STXBP5: variants seen among roughly 807,000 people sequenced by gnomAD.
STXBP5 encodes the protein syntaxin-binding protein 5.
Under a neutral mutation model 152.4 loss-of-function variants are expected in STXBP5, and 50 were observed. The observed-to-expected ratio is 0.33, with a 90% CI of 0.26 to 0.42. STXBP5 has a LOEUF of 0.42. STXBP5 is among the 10% of genes least tolerant of loss of function. The pLI is 1.00. For synonymous variants in STXBP5, 492 were observed against 494.7 expected (o/e 0.99, Z 0.07); for missense variants, 1,167 against 1,388.6 (o/e 0.84, Z 2.54).
At chr6:147,206,530 A>G (rs1271771996) in intron 2 of STXBP5, among the ~76,000 whole-genome samples, 1 of 152,090 alleles carries the variant, frequency 6.6e-6, no homozygotes, top group Non-Finnish European at 1.5e-5. Context: ...GTCCGTGTAG[A>G]AAAACAATTA....
intron 2 of STXBP5, 47 bp downstream of exon 2, chr6:147,206,115 CA>C (rs1776542994): frequency 6.5e-7 from 1 of 1,533,892 alleles, no homozygotes; most frequent in African/African-American, 1.4e-5. Flanking sequence ...TTGTTCTCCC[CA>C]GTCCTTCTGT....
At chr6:147,284,001 A>C (rs558889706) in intron 8 of STXBP5, among the ~76,000 whole-genome samples, 1 of 152,364 alleles carries the variant, frequency 6.6e-6, no homozygotes, top group African/African-American at 2.4e-5. Context: ...TGTTAAAAAC[A>C]GTAAAAAGAA....
intron 6 of STXBP5, among the ~76,000 whole-genome samples, chr6:147,265,839 G>A (rs1324289264): frequency 3.3e-5 from 5 of 151,872 alleles, no homozygotes; most frequent in South Asian, 2.1e-4. Flanking sequence ...CCGATATCCC[G>A]GTTTTACAGA....
At chr6:147,218,720 A>ATT (rs1305315419) in intron 2 of STXBP5, among the ~76,000 whole-genome samples, 1 of 152,186 alleles carries the variant, frequency 6.6e-6, no homozygotes, top group Non-Finnish European at 1.5e-5. Flanking sequence ...GGCTGCAGTG[A>ATT]TCTCACATCC....
intron 3 of STXBP5, among the ~76,000 whole-genome samples, chr6:147,237,427 G>A (rs1184511989): frequency 6.6e-6 from 1 of 152,118 alleles, no homozygotes; most frequent in Non-Finnish European, 1.5e-5. Flanking sequence ...GAAGAAGACA[G>A]CTATTATTGC....
In STXBP5 at chr6:147,363,370, A is replaced by T. The variant is rs748589128; in HGVS notation, c.2581A>T (p.Met861Leu). 1.2e-6 allele frequency: 2 copies of T among 1,608,058 alleles called. No individual in the cohort carries two copies. The change falls in exon 24 of 28, where the codon ATG becomes TTG. Residue 861 changes from methionine (M) to leucine (L), a missense_variant. Transcript: ENST00000321680. ...GAGGTTAAAAGGTGCAATCTTGAGA[A>T]TGGCATTTCTGGATACCACAGGCTG... is the stretch of plus-strand genomic sequence containing the variant. The part of the protein sequence containing the change: ...ILRLKGAILR[M>L]AFLDTTGCLI...
chr6:147,269,539 A>C (rs1227806738), intron 7 of STXBP5, among the ~76,000 whole-genome samples: 1 of 152,206 alleles, frequency 6.6e-6, no homozygotes, highest in Non-Finnish European at 1.5e-5. Context: ...TGAAAATAGA[A>C]ACAGACTCAG....
rs1404535738 is a variant in STXBP5 at position 147,386,468 on chromosome 6, T to A, written c.*1713T>A. ...ACATGCACTACTAGATGCAAAAGTTTACATCAAAGTTTACTTTAAATATCA... is the reference window on the plus strand; with the variant it reads ...ACATGCACTACTAGATGCAAAAGTTAACATCAAAGTTTACTTTAAATATCA... On this transcript the variant is annotated 3_prime_UTR_variant, in exon 28 of 28. Coordinates refer to ENST00000321680, the MANE Select transcript of STXBP5 (RefSeq NM_001127715.4). The A allele has an allele frequency of 6.6e-6, 1 of 151,846 alleles. No homozygotes were observed. Among genetic ancestry groups the A allele is most frequent in the Non-Finnish European group, 1.5e-5 (1 of 67,828 alleles). The allele number at this position is 151,846 out of a possible 1,614,324, so 9.4% of individuals were successfully genotyped here.
chr6:147,239,035 C>A, intron 3 of STXBP5, 135 bp from the exon 4 acceptor site: 2 of 695,924 alleles, frequency 2.9e-6, no homozygotes, highest in Non-Finnish European at 2.3e-6. Flanking sequence ...TTGAATGAGG[C>A]AAATGTTTCT....
At chr6:147,215,213 T>C (rs1426212316) in intron 2 of STXBP5, among the ~76,000 whole-genome samples, 2 of 152,236 alleles carry the variant, frequency 1.3e-5, no homozygotes, top group Non-Finnish European at 2.9e-5. Flanking sequence ...AGTTTTCCAA[T>C]CTCTGCCTTA....
At chr6:147,265,134 AAG>A in intron 6 of STXBP5, among the ~76,000 whole-genome samples, 1 of 152,100 alleles carries the variant, frequency 6.6e-6, no homozygotes, top group Non-Finnish European at 1.5e-5. Context: ...AGACTGGGAA[AAG>A]AGAGAGGAAA....
Position 147,346,965 on chromosome 6 carries a change from C to T in STXBP5, c.2255-6358C>T, listed in dbSNP as rs534510713. ...CTGCTCAGCTTTCTGCGACAGAGCA[C>T]GTTCCCGTTGCAGCACAAGTGGAGC... On this transcript the variant is annotated intron_variant, in intron 21 of 27. Transcript: ENST00000321680. 1.4e-3 allele frequency among the ~76,000 whole-genome samples: 220 copies of T among 152,262 alleles called. 1 individual carries two copies. Among genetic ancestry groups the T allele is most frequent in the Non-Finnish European group, 2.8e-3 (192 of 68,018 alleles).
chr6:147,210,819 CATTATT>C (rs201266768), intron 2 of STXBP5, among the ~76,000 whole-genome samples: 1 of 152,178 alleles, frequency 6.6e-6, no homozygotes, highest in African/African-American at 2.4e-5. Flanking sequence ...ATGATTATTA[CATTATT>C]ATTATAATAC....
At chr6:147,373,656 T>G in intron 25 of STXBP5, 75 bp from the exon 26 acceptor site, 2 of 1,036,106 alleles carry the variant, frequency 1.9e-6, no homozygotes, top group Non-Finnish European at 3.0e-6. Flanking sequence ...TTAAGGAGTT[T>G]ACAGTGATAC....
intron 6 of STXBP5, among the ~76,000 whole-genome samples, chr6:147,263,202 A>G (rs1330705620): frequency 6.6e-6 from 1 of 152,048 alleles, no homozygotes; most frequent in Non-Finnish European, 1.5e-5. Context: ...GAGTTAGGTC[A>G]TAATTATAGC....
intron 2 of STXBP5, among the ~76,000 whole-genome samples, chr6:147,227,050 G>C (rs1777754324): frequency 6.6e-6 from 1 of 152,132 alleles, no homozygotes; most frequent in African/African-American, 2.4e-5. Flanking sequence ...AGTGGTTATG[G>C]GGAAGAGAGA....
intron 25 of STXBP5, among the ~76,000 whole-genome samples, chr6:147,371,319 G>A (rs1218123058): frequency 6.6e-6 from 1 of 152,024 alleles, no homozygotes; most frequent in Non-Finnish European, 1.5e-5. Context: ...TAAGACTGCA[G>A]ATAATCTAGA....
At position 147,325,028 on chromosome 6, in the gene STXBP5, G is replaced by C. The variant is rs781253416; in HGVS notation, c.1872G>C (p.Val624=). 4.4e-6 allele frequency: 7 copies of C among 1,596,126 alleles called. 1 individual carries two copies. In the South Asian group the frequency reaches 7.9e-5, roughly 18 times the overall value. The part of the protein sequence containing the change: ...QTELVIQLVW[V]GGEPPQQITS... The stretch of plus-strand genomic sequence containing the variant: ...AACTAGTTATTCAGTTGGTTTGGGT[G>C]GGTGGAGAACCACCACAACAAATAA... Residue 624 remains valine (V), a synonymous_variant, in exon 17 of 28, where the codon GTG becomes GTC. Transcript: ENST00000321680.
chr6:147,373,768 C>T lies in STXBP5; in HGVS notation c.3119C>T (p.Pro1040Leu), dbSNP rs527429174. 6.2e-7 allele frequency: 1 copy of T among 1,613,846 alleles called. No homozygotes were observed. The highest frequency in any genetic ancestry group is 1.1e-5 in the South Asian group (1 of 91,076). ...LGELFTPVET[P>L]EAPNRGFFKG... The stretch of plus-strand genomic sequence containing the variant: ...GAACTCTTCACTCCTGTAGAAACAC[C>T]TGAAGCACCAAACAGGGGATTCTTT... Residue 1040 changes from proline to leucine, a missense_variant, in exon 26 of 28, where the codon CCT becomes CTT. By Grantham distance (98) the Pro-to-Leu change is moderately conservative. Around this residue, in one of 3 missense-constraint regions of STXBP5, gnomAD observed 833 missense variants for 986.3 expected, o/e 0.84. Coordinates refer to ENST00000321680, the MANE Select transcript of STXBP5 (RefSeq NM_001127715.4).
Sources: gnomAD v4.1 joint callset for allele counts (sites outside exome capture counted in the v4.1 genomes callset) on GRCh38, gnomAD v4.1.1 for gene constraint, gnomAD v4.1.1 regional missense constraint, MANE v1.5 for transcripts, NCBI Gene and HGNC (gene_info 2026-07-23, HGNC 2026-07-21) for gene names.